Variants in PPARGC1A observed in about 807,000 individuals in gnomAD.
PPARGC1A encodes the protein PPARG coactivator 1 alpha, also known as peroxisome proliferator-activated receptor gamma coactivator 1-alpha.
A neutral mutation model predicts 88.7 loss-of-function variants in PPARGC1A; 25 were observed. The ratio of observed to expected loss-of-function variants is 0.28; its 90% CI spans 0.21 to 0.39. PPARGC1A has a LOEUF of 0.39. Ranked by LOEUF, PPARGC1A falls within the 10% of genes least tolerant of loss-of-function variation. The probability of loss-of-function intolerance (pLI) is 1.00; values close to 1 mark genes in which losing one functional copy is unlikely to be tolerated. For synonymous variants in PPARGC1A, 363 were observed against 355.6 expected (o/e 1.02, Z -0.24); for missense variants, 880 against 968.7 (o/e 0.91, Z 1.22).
chr4:24,194,486 C>T, the PPARGC1A span, among the ~76,000 whole-genome samples: 2 of 152,158 alleles, frequency 1.3e-5, no homozygotes, highest in African/African-American at 4.8e-5. Flanking sequence ...CTCTAGGAAA[C>T]ATCTGATTAA....
chr4:23,840,502 T>A (rs1346461313), intron 2 of PPARGC1A, among the ~76,000 whole-genome samples: 1 of 152,144 alleles, frequency 6.6e-6, no homozygotes, highest in East Asian at 1.9e-4. Flanking sequence ...TCCCCTCATT[T>A]ACTCAAGTGT....
At chr4:23,909,317 C>T in the PPARGC1A span, among the ~76,000 whole-genome samples, 1 of 152,134 alleles carries the variant, frequency 6.6e-6, no homozygotes, top group African/African-American at 2.4e-5. Context: ...ATATAATAGT[C>T]TTTTAAGGAA....
chr4:24,046,834 C>T, the PPARGC1A span, among the ~76,000 whole-genome samples: 2 of 152,172 alleles, frequency 1.3e-5, no homozygotes, highest in East Asian at 3.9e-4. Flanking sequence ...CCGTGTCTGT[C>T]CCCATATCTG....
At chr4:24,406,776 A>AC in the PPARGC1A span, among the ~76,000 whole-genome samples, 13 of 152,272 alleles carry the variant, frequency 8.5e-5, no homozygotes, top group African/African-American at 2.9e-4. Context: ...GCAGAGAACA[A>AC]CCTAATGAGA....
At chr4:23,797,729 G>A (rs1717871066) in intron 12 of PPARGC1A, among the ~76,000 whole-genome samples, 3 of 152,032 alleles carry the variant, frequency 2.0e-5, no homozygotes, top group Non-Finnish European at 4.4e-5. Flanking sequence ...ATTTTTTGTT[G>A]CATGAGATAG....
chr4:24,294,320 G>T, the PPARGC1A span, among the ~76,000 whole-genome samples: 1 of 151,986 alleles, frequency 6.6e-6, no homozygotes, highest in Admixed American at 6.6e-5. Flanking sequence ...ATAATGTTTC[G>T]ATGTCCATTA....
chr4:24,367,761 G>GA, the PPARGC1A span, among the ~76,000 whole-genome samples: 1 of 152,196 alleles, frequency 6.6e-6, no homozygotes, highest in East Asian at 1.9e-4. Flanking sequence ...TGTCGCTAGA[G>GA]AAAAAATAAT....
the PPARGC1A span, among the ~76,000 whole-genome samples, chr4:24,472,663 TGCCGCCGCCGCC>T: frequency 2.6e-5 from 4 of 151,604 alleles, no homozygotes; most frequent in Admixed American, 1.3e-4. The surrounding 1 kb of genome is among the most constrained non-coding windows in gnomAD (Gnocchi z 4.5). Flanking sequence ...ATGCTCGGGC[TGCCGCCGCCGCC>T]GCCGCCGCCG....
At chr4:24,108,545 C>T in the PPARGC1A span, among the ~76,000 whole-genome samples, 1 of 152,102 alleles carries the variant, frequency 6.6e-6, no homozygotes, top group African/African-American at 2.4e-5. Flanking sequence ...TATAGGTTAG[C>T]CAATGTGCTG....
At chr4:24,371,970 A>T in the PPARGC1A span, among the ~76,000 whole-genome samples, 2 of 151,938 alleles carry the variant, frequency 1.3e-5, no homozygotes, top group Non-Finnish European at 2.9e-5. Context: ...GAAAAAAAAA[A>T]GTCAGTAGAA....
At chr4:23,932,815 A>G in the PPARGC1A span, among the ~76,000 whole-genome samples, 9 of 152,170 alleles carry the variant, frequency 5.9e-5, no homozygotes, top group African/African-American at 2.2e-4. Flanking sequence ...TCCTCAGGGT[A>G]CTGCATATTC....
chr4:24,093,790 A>T, the PPARGC1A span, among the ~76,000 whole-genome samples: 1 of 152,202 alleles, frequency 6.6e-6, no homozygotes, highest in Non-Finnish European at 1.5e-5. Context: ...CTTAGATTTG[A>T]TTATCAGCTC....
the PPARGC1A span, among the ~76,000 whole-genome samples, chr4:24,329,687 G>C: frequency 6.6e-6 from 1 of 152,218 alleles, no homozygotes; most frequent in Non-Finnish European, 1.5e-5. Flanking sequence ...GCACAAGCGT[G>C]AATAATTACT....
At chr4:24,260,915 A>G in the PPARGC1A span, among the ~76,000 whole-genome samples, 1 of 152,190 alleles carries the variant, frequency 6.6e-6, no homozygotes, top group Non-Finnish European at 1.5e-5. Flanking sequence ...TAGAGGCCAC[A>G]AAAATAACAG....
chr4:23,803,175 T>C (rs1252139138), intron 10 of PPARGC1A, among the ~76,000 whole-genome samples: 1 of 152,094 alleles, frequency 6.6e-6, no homozygotes, highest in East Asian at 1.9e-4. Context: ...GGGGTGCTGA[T>C]TAAAAATGCA....
chr4:24,185,524 G>A, the PPARGC1A span, among the ~76,000 whole-genome samples: 1 of 152,254 alleles, frequency 6.6e-6, no homozygotes, highest in South Asian at 2.1e-4. Context: ...GGGTAGAGAT[G>A]GTGGTGTTGT....
the PPARGC1A span, among the ~76,000 whole-genome samples, chr4:24,314,431 T>C: frequency 0.16 from 23,617 of 152,088 alleles, 1,976 homozygotes; most frequent in African/African-American, 0.16. Flanking sequence ...CTTTCTGTCA[T>C]GGGAGGACAC....
At chr4:24,223,547 G>A in the PPARGC1A span, among the ~76,000 whole-genome samples, 67 of 152,242 alleles carry the variant, frequency 4.4e-4, no homozygotes, top group East Asian at 0.012. Flanking sequence ...ACTGCGCCTG[G>A]CCCTTCTTTG....
chr4:24,230,678 G>A, the PPARGC1A span, among the ~76,000 whole-genome samples: 1,177 of 152,242 alleles, frequency 7.7e-3, 79 homozygotes, highest in East Asian at 0.17. Context: ...TGAGCAGTGC[G>A]AAGAGAAAAG....
Sources: allele counts gnomAD v4.1 joint callset (sites outside exome capture counted in the v4.1 genomes callset), GRCh38; gene constraint gnomAD v4.1.1; non-coding constraint Gnocchi (gnomAD v3.1); transcripts MANE v1.5; gene names NCBI Gene and HGNC (gene_info 2026-07-23, HGNC 2026-07-21).